Variants in SEMA3G observed in about 807,000 individuals in gnomAD.
SEMA3G encodes the protein semaphorin 3G.
A neutral mutation model predicts 86.2 loss-of-function variants in SEMA3G; 70 were observed. That is an observed-to-expected ratio of 0.81 (90% CI 0.67 to 0.99). The LOEUF is 0.99. Ranked by LOEUF, SEMA3G falls within the 50% of genes least tolerant of loss-of-function variation. SEMA3G has a pLI of 0.00. For missense variants in SEMA3G, 1,002 were observed against 1,072.4 expected (o/e 0.93, Z 0.92); for synonymous variants, 416 against 441.4 (o/e 0.94, Z 0.72).
chr3:52,439,667 G>T lies in SEMA3G; in HGVS notation c.1467+13C>A. On this transcript the variant is annotated intron_variant, in intron 12 of 15. Coordinates refer to ENST00000231721, the MANE Select transcript of SEMA3G (RefSeq NM_020163.3). ...GGGGCTTGGAGGGACCCTTCCATCA[G>T]CCCCTTGCTTACCTTAAACACCTGG... 5.0e-6 allele frequency: 8 copies of T among 1,608,494 alleles called. No individual in the cohort carries two copies. Among genetic ancestry groups the T allele is most frequent in the Non-Finnish European group, 6.8e-6 (8 of 1,175,040 alleles).
Position 52,437,567 on chromosome 3 carries a change from C to T in SEMA3G, c.1838G>A (p.Arg613His), listed in dbSNP as rs143226053. Residue 613 changes from arginine to histidine, a missense_variant, in exon 15 of 16, where the codon CGC becomes CAC. Coordinates refer to ENST00000231721, the MANE Select transcript of SEMA3G (RefSeq NM_020163.3). ...CLPKSPQAAVRWLLQRPGDEG... is the reference protein window; with the variant it reads ...CLPKSPQAAVHWLLQRPGDEG... The stretch of plus-strand genomic sequence containing the variant: ...ATCCCCTGGCCTCTGCAAGAGCCAG[C>T]GCACAGCAGCCTGGGGAGACTTGGG... 2.9e-5 allele frequency: 47 copies of T among 1,613,090 alleles called. 1 individual carries two copies. In the Middle Eastern group the frequency reaches 4.9e-4, roughly 17 times the overall value.
chr3:52,442,820 TCTCGGTA>T lies in SEMA3G; in HGVS notation c.196_202del (p.Tyr66ThrfsTer46). 1 of 1,613,238 alleles carries T rather than the reference TCTCGGTA, an allele frequency of 6.2e-7. No individual in the cohort carries two copies. Among genetic ancestry groups the T allele is most frequent in the South Asian group, 1.1e-5 (1 of 90,854 alleles). On this transcript the variant is annotated frameshift_variant, in exon 2 of 16. Transcript: ENST00000231721. LOFTEE classifies it high-confidence loss of function. This position sits in a 1 kb window ranked among gnomAD's most constrained non-coding sequence, Gnocchi z 6.1. ...GTCCAGGCCACCCAGAAAGAGGCGG[TCTCGGTA>T]CTCATCTAGGTACATGGCCTGGAGG...
In SEMA3G at chr3:52,435,519, C is replaced by A; in HGVS notation, c.*84G>T. On this transcript the variant is annotated 3_prime_UTR_variant, in exon 16 of 16. Transcript: ENST00000231721. ...GAGGCAAACAGACATCCTGACCCCT[C>A]TGCCCTAGCTGGGTGGGTGGGAGAT... 5.2e-6 allele frequency: 7 copies of A among 1,345,732 alleles called. No homozygotes were observed. Among genetic ancestry groups the A allele is most frequent in the Non-Finnish European group, 7.2e-6 (7 of 975,718 alleles). 83.4% of individuals were successfully genotyped at this position (1,345,732 alleles called of 1,614,324 possible). A position where few individuals can be genotyped will look rare whatever the true frequency, so the allele number is the denominator to read the frequency against.
At chr3:52,444,662 G>A (rs1327390301) in intron 1 of SEMA3G, among the ~76,000 whole-genome samples, 1 of 143,946 alleles carries the variant, frequency 6.9e-6, no homozygotes, top group Admixed American at 7.0e-5. Flanking sequence ...CAGGGCACAC[G>A]CACACAAACA....
In SEMA3G at chr3:52,435,650, C is replaced by G; in HGVS notation, c.2302G>C (p.Val768Leu). 6.2e-7 allele frequency: 1 copy of G among 1,613,986 alleles called. No individual in the cohort carries two copies. Among genetic ancestry groups the G allele is most frequent in the Non-Finnish European group, 8.5e-7 (1 of 1,179,990 alleles). Residue 768 changes from valine to leucine, a missense_variant, in exon 16 of 16, where the codon GTG becomes CTG. Transcript: ENST00000231721. Reference sequence around the variant, plus strand: ...GGCGTCCGATTGTGCTCGGCATGCACCCGGCTCTTCATCTTCTTGCCTAGC... The same window carrying G: ...GGCGTCCGATTGTGCTCGGCATGCAGCCGGCTCTTCATCTTCTTGCCTAGC... ...LELGKKMKSR[V>L]HAEHNRTPRE...
At chr3:52,444,278 G>T (rs770041496) in intron 1 of SEMA3G, among the ~76,000 whole-genome samples, 1 of 152,006 alleles carries the variant, frequency 6.6e-6, no homozygotes, top group Non-Finnish European at 1.5e-5. Context: ...AGCTCTCTCA[G>T]GGTCTCCATC....
At chr3:52,436,152 C>A (rs1334277281) in intron 15 of SEMA3G, 79 bp from the exon 16 acceptor site, 6 of 1,487,408 alleles carry the variant, frequency 4.0e-6, no homozygotes, top group Non-Finnish European at 5.4e-6. Flanking sequence ...GCTTTTCTGC[C>A]ATCCTTGGGG....
rs1310162394 is a variant in SEMA3G at position 52,434,584 on chromosome 3, C to T, written c.*1019G>A. 2.0e-5 allele frequency: 3 copies of T among 152,206 alleles called. No homozygotes were observed. Among genetic ancestry groups the T allele is most frequent in the African/African-American group, 7.2e-5 (3 of 41,412 alleles). 9.4% of individuals were successfully genotyped at this position (152,206 alleles called of 1,614,324 possible). ...TCCTGCCCTCTATCCATCTCCATAT[C>T]CTCTCAATCTTCTGCATCCCTGGCC... On this transcript the variant is annotated 3_prime_UTR_variant, in exon 16 of 16. Transcript: ENST00000231721. The surrounding 1 kb of genome is among the most constrained non-coding windows in gnomAD (Gnocchi z 5.2).
chr3:52,439,944 G>A lies in SEMA3G; in HGVS notation c.1298C>T (p.Ala433Val), dbSNP rs774525786. 1.2e-6 allele frequency: 2 copies of A among 1,613,872 alleles called. No individual in the cohort carries two copies. Among genetic ancestry groups the A allele is most frequent in the African/African-American group, 2.7e-5 (2 of 75,066 alleles). ...GRPVLVKTHL[A>V]QQLHQIVVDR... is the part of the protein sequence containing the mutation. ...CACCACGATCTGGTGTAGCTGCTGG[G>A]CCAGGTGGGTCTTGACAAGGACAGG... Residue 433 changes from alanine to valine, a missense_variant, in exon 11 of 16, where the codon GCC becomes GTC. Ala to Val is a moderately conservative substitution (Grantham distance 64, BLOSUM62 0). Coordinates refer to ENST00000231721, the MANE Select transcript of SEMA3G (RefSeq NM_020163.3).
Position 52,444,895 on chromosome 3 carries a change from G to A in SEMA3G, c.115+18C>T. The A allele has an allele frequency of 7.7e-7, 1 of 1,302,154 alleles. No individual in the cohort carries two copies. The highest frequency in any genetic ancestry group is 9.8e-7 in the Non-Finnish European group (1 of 1,019,642). 80.7% of individuals were successfully genotyped at this position (1,302,154 alleles called of 1,614,324 possible). ...AACAGGGCACATGCACACAAACAGG[G>A]CACGCAGGGGCTGGTACCTCGGTAG... On this transcript the variant is annotated intron_variant, in intron 1 of 15. Transcript: ENST00000231721.
intron 14 of SEMA3G, 74 bp downstream of exon 14, chr3:52,437,897 C>A: frequency 7.2e-7 from 1 of 1,379,704 alleles, no homozygotes; most frequent in Non-Finnish European, 1.0e-6. Context: ...TGAGAATGCA[C>A]TTCGCAGGGG....
At position 52,441,630 on chromosome 3, in the gene SEMA3G, C is replaced by T. The variant is rs542011675; in HGVS notation, c.611G>A (p.Arg204Gln). ...CAGAGCTGGCCGAGGACCTCCACTT[C>T]GGAAGATCATGGCCTCTCGCCCCAG... is the stretch of plus-strand genomic sequence containing the variant. ...DFLGREAMIF[R>Q]SGGPRPALRS... is the part of the protein sequence containing the mutation. Residue 204 changes from arginine (R) to glutamine (Q), a missense_variant, in exon 6 of 16, where the codon CGA becomes CAA. Physicochemically the swap from Arg to Gln is conservative, Grantham distance 43 (BLOSUM62 1). Transcript: ENST00000231721. The T allele has an allele frequency of 2.0e-5, 33 of 1,613,768 alleles. No individual in the cohort carries two copies. The East Asian group carries it at 3.8e-4, about 19-fold the overall frequency.
chr3:52,435,665 T>C lies in SEMA3G; in HGVS notation c.2287A>G (p.Lys763Glu), dbSNP rs1248169146. 6.2e-7 allele frequency: 1 copy of C among 1,614,050 alleles called. No individual in the cohort carries two copies. Residue 763 changes from lysine (K) to glutamate (E), a missense_variant, in exon 16 of 16, where the codon AAG becomes GAG. By Grantham distance (56) the Lys-to-Glu change is moderately conservative. Transcript: ENST00000231721. Reference sequence around the variant, plus strand: ...TCGGCATGCACCCGGCTCTTCATCTTCTTGCCTAGCTCCAGCCCTGCCCAG... The same window carrying C: ...TCGGCATGCACCCGGCTCTTCATCTCCTTGCCTAGCTCCAGCCCTGCCCAG... Reference protein sequence around the residue: ...KSWAGLELGKKMKSRVHAEHN... With the variant: ...KSWAGLELGKEMKSRVHAEHN...
chr3:52,438,955 T>C lies in SEMA3G; in HGVS notation c.1474A>G (p.Thr492Ala). The change falls in exon 13 of 16, where the codon ACA becomes GCA. Residue 492 changes from threonine (T) to alanine (A), a missense_variant. Transcript: ENST00000231721. ...LEELQVFKVP[T>A]PITEMEISVK... Reference sequence around the variant, plus strand: ...GAGATCTCCATTTCGGTGATAGGTGTTGGCACCTGGGGAAGGAGAAGGGTC... The same window carrying C: ...GAGATCTCCATTTCGGTGATAGGTGCTGGCACCTGGGGAAGGAGAAGGGTC... 6.2e-7 allele frequency: 1 copy of C among 1,613,430 alleles called. No individual in the cohort carries two copies.
In SEMA3G at chr3:52,442,159, C is replaced by T; in HGVS notation, c.459+26G>A. 6.2e-7 allele frequency: 1 copy of T among 1,605,550 alleles called. No homozygotes were observed. Among genetic ancestry groups the T allele is most frequent in the Non-Finnish European group, 8.5e-7 (1 of 1,175,028 alleles). ...GAGGAAATGTCACTGCCTCCCAGTCCCTTGTGGGGCCTGGCCCAGGCTCAC... is the reference window on the plus strand; with the variant it reads ...GAGGAAATGTCACTGCCTCCCAGTCTCTTGTGGGGCCTGGCCCAGGCTCAC... On this transcript the variant is annotated intron_variant, in intron 4 of 15. Transcript: ENST00000231721. This position sits in a 1 kb window ranked among gnomAD's most constrained non-coding sequence, Gnocchi z 6.1.
chr3:52,441,436 G>T (rs1475841391), intron 6 of SEMA3G, 27 bp from the exon 7 acceptor site: 3 of 1,610,760 alleles, frequency 1.9e-6, no homozygotes, highest in Non-Finnish European at 2.5e-6. Flanking sequence ...GTCATGCTGG[G>T]TGGAGGGGCC....
At chr3:52,436,269 C>T (rs1199896341) in intron 15 of SEMA3G, among the ~76,000 whole-genome samples, 196 bp from the exon 16 acceptor site, 1 of 152,244 alleles carries the variant, frequency 6.6e-6, no homozygotes, top group African/African-American at 2.4e-5. Context: ...GGTGGGGCCT[C>T]ACCTTCCCAT....
chr3:52,443,162 A>T, intron 1 of SEMA3G: 1 of 826,254 alleles, frequency 1.2e-6, no homozygotes, highest in Non-Finnish European at 1.9e-6. Context: ...TTAGCCCTTC[A>T]TCATGCAGCT....
intron 11 of SEMA3G, 35 bp from the exon 12 acceptor site, chr3:52,439,806 G>A: frequency 1.2e-6 from 2 of 1,611,322 alleles, no homozygotes; most frequent in Non-Finnish European, 8.5e-7. Flanking sequence ...CGGGACAGGA[G>A]GGGACAGCCA....
Sources: gnomAD v4.1 joint callset for allele counts (sites outside exome capture counted in the v4.1 genomes callset) on GRCh38, gnomAD v4.1.1 for gene constraint, Gnocchi (gnomAD v3.1) non-coding constraint, MANE v1.5 for transcripts, NCBI Gene and HGNC (gene_info 2026-07-23, HGNC 2026-07-21) for gene names.